Variants in RPRD2 observed in about 807,000 individuals in gnomAD.
RPRD2 encodes the protein regulation of nuclear pre-mRNA domain containing 2.
In RPRD2, 12 loss-of-function variants were observed where a neutral mutation model predicts 104.4. The ratio of observed to expected loss-of-function variants is 0.11; its 90% CI spans 0.07 to 0.19. RPRD2 has a LOEUF of 0.19. Ranked by LOEUF, RPRD2 falls within the 10% of genes least tolerant of loss-of-function variation. The pLI is 1.00. For synonymous variants in RPRD2, 714 were observed against 684.9 expected (o/e 1.04, Z -0.66); for missense variants, 1,543 against 1,790.1 (o/e 0.86, Z 2.49).
At chr1:150,398,437 C>T (rs1553884682) in intron 1 of RPRD2, among the ~76,000 whole-genome samples, 1 of 152,012 alleles carries the variant, frequency 6.6e-6, no homozygotes, top group Admixed American at 6.6e-5. Flanking sequence ...ACCTCGTGAT[C>T]TGCCCACCTT....
intron 1 of RPRD2, among the ~76,000 whole-genome samples, chr1:150,365,362 C>T (rs1659755591): frequency 6.6e-6 from 1 of 152,054 alleles, no homozygotes; most frequent in Non-Finnish European, 1.5e-5. Flanking sequence ...ATGAGGAGTG[C>T]CTTGTCTGGA....
intron 2 of RPRD2, among the ~76,000 whole-genome samples, chr1:150,427,343 C>T (rs1021741955): frequency 2.8e-4 from 43 of 151,790 alleles, no homozygotes; most frequent in African/African-American, 9.4e-4. Context: ...CGTGGTAGCG[C>T]GTGCCTGTAG....
rs201820125 is a variant in RPRD2 at position 150,416,897 on chromosome 1, A to C, written c.206-699A>C. On this transcript the variant is annotated intron_variant, in intron 1 of 10. Transcript: ENST00000369068. ...CAAAAAAAAAAAAAAAAAAACAAAA[A>C]GAAGAAGAAGAAAAGCTTAACCTAG... 5.5e-4 allele frequency among the ~76,000 whole-genome samples: 83 copies of C among 151,520 alleles called. 1 individual carries two copies. In the East Asian group the frequency reaches 0.012, roughly 22 times the overall value.
chr1:150,408,322 G>A (rs782589303), intron 1 of RPRD2, among the ~76,000 whole-genome samples: 32 of 151,506 alleles, frequency 2.1e-4, no homozygotes, highest in Non-Finnish European at 3.1e-4. Flanking sequence ...CCGCCACCAC[G>A]GCCAGCTAAT....
rs936288897 is a variant in RPRD2, at chr1:150,447,865, A to G, written c.870+1464A>G. ...TTCTGGCATTTGCTCCCATATTTGT[A>G]AATGATTTGCCCATATTATTCTTTC... On this transcript the variant is annotated intron_variant, in intron 7 of 10. Transcript: ENST00000369068. Among the ~76,000 whole-genome samples the G allele has an allele frequency of 5.9e-5, 9 of 152,320 alleles. 2 individuals are homozygous for G. The South Asian group carries it at 1.9e-3, about 32-fold the overall frequency.
In RPRD2 at chr1:150,457,377, A is replaced by C. The variant is rs782110232; in HGVS notation, c.960A>C (p.Pro320=). 4 of 1,611,764 alleles carry C rather than the reference A, an allele frequency of 2.5e-6. No homozygotes were observed. Among genetic ancestry groups the C allele is most frequent in the Non-Finnish European group, 2.5e-6 (3 of 1,178,012 alleles). ...CCCTTCCAGATCCTGAAGAATCACC[A>C]GTTCCTTCCCCAAGCATGGACGCTC... is the stretch of plus-strand genomic sequence containing the variant. ...KSTLPDPEES[P]VPSPSMDAPS... Residue 320 remains proline, a synonymous_variant, in exon 8 of 11, where the codon CCA becomes CCC. Coordinates refer to ENST00000369068, the MANE Select transcript of RPRD2 (RefSeq NM_015203.5).
intron 10 of RPRD2, 51 bp downstream of exon 10, chr1:150,464,778 T>G: frequency 7.1e-7 from 1 of 1,404,934 alleles, no homozygotes; most frequent in Non-Finnish European, 9.9e-7. Flanking sequence ...TGTCTCTGGC[T>G]TAAATTAATC....
chr1:150,441,811 T>G (rs1355585094), intron 3 of RPRD2, 70 bp from the exon 4 acceptor site: 2 of 994,782 alleles, frequency 2.0e-6, no homozygotes, highest in Non-Finnish European at 3.0e-6. Context: ...TGCTGCAACT[T>G]TGGCACTGAA....
chr1:150,405,875 G>A (rs991942375), intron 1 of RPRD2, among the ~76,000 whole-genome samples: 1 of 152,068 alleles, frequency 6.6e-6, no homozygotes, highest in African/African-American at 2.4e-5. Context: ...TATATTGACC[G>A]CCAGGGTATT....
intron 1 of RPRD2, among the ~76,000 whole-genome samples, chr1:150,412,726 T>G (rs1051103466): frequency 1.3e-5 from 2 of 152,190 alleles, no homozygotes; most frequent in African/African-American, 2.4e-5. Context: ...GATAAATAAT[T>G]GGACAATTTT....
chr1:150,463,046 G>A (rs956565342), intron 9 of RPRD2, among the ~76,000 whole-genome samples: 2 of 152,132 alleles, frequency 1.3e-5, no homozygotes, highest in Non-Finnish European at 2.9e-5. Context: ...GGTAGAGACA[G>A]TGTCTTACTA....
At chr1:150,461,184 A>G (rs1553898759) in intron 9 of RPRD2, among the ~76,000 whole-genome samples, 2 of 151,682 alleles carry the variant, frequency 1.3e-5, no homozygotes. Context: ...GCCTGAGGCC[A>G]GGAGTTCGAG....
intron 2 of RPRD2, among the ~76,000 whole-genome samples, chr1:150,421,332 A>C (rs951603908): frequency 6.6e-6 from 1 of 152,252 alleles, no homozygotes; most frequent in Non-Finnish European, 1.5e-5. Context: ...TGAGGCTTTT[A>C]TAAAATTTCA....
intron 1 of RPRD2, among the ~76,000 whole-genome samples, chr1:150,376,390 G>A (rs1182045341): frequency 3.3e-5 from 5 of 152,094 alleles, no homozygotes; most frequent in Admixed American, 2.6e-4. Context: ...ATCTTTTAAT[G>A]TTTGGGATTA....
At chr1:150,427,558 GGA>G (rs1665237515) in intron 2 of RPRD2, among the ~76,000 whole-genome samples, 1 of 152,184 alleles carries the variant, frequency 6.6e-6, no homozygotes, top group African/African-American at 2.4e-5. Context: ...CAATACATTG[GGA>G]GGCCAAGGTG....
In RPRD2 at chr1:150,472,301, G is replaced by A. The variant is rs1217849211; in HGVS notation, c.3353G>A (p.Gly1118Glu). 1.2e-6 allele frequency: 2 copies of A among 1,613,840 alleles called. No individual in the cohort carries two copies. The highest frequency in any genetic ancestry group is 1.3e-5 in the African/African-American group (1 of 74,922). Reference protein sequence around the residue: ...SIRVPGKGNRGHGREASRVGW... With the variant: ...SIRVPGKGNREHGREASRVGW... ...CGAGTTCCTGGGAAGGGAAATAGAG[G>A]ACATGGGCGTGAGGCTTCAAGGGTG... The change falls in exon 11 of 11, where the codon GGA (glycine) becomes GAA (glutamate). Residue 1118 changes from glycine (G) to glutamate (E), a missense_variant. Transcript: ENST00000369068.
In RPRD2 at chr1:150,471,756, A is replaced by G; in HGVS notation, c.2808A>G (p.Ser936=). 6.2e-7 allele frequency: 1 copy of G among 1,613,728 alleles called. No homozygotes were observed. Among genetic ancestry groups the G allele is most frequent in the South Asian group, 1.1e-5 (1 of 91,060 alleles). Residue 936 remains serine, a synonymous_variant, in exon 11 of 11, where the codon TCA becomes TCG. Coordinates refer to ENST00000369068, the MANE Select transcript of RPRD2 (RefSeq NM_015203.5). This position sits in a 1 kb window ranked among gnomAD's most constrained non-coding sequence, Gnocchi z 5.3. ...CACCATCACCGAGTAAGAATGATTC[A>G]TTTTTCACCCCTGACTCCAACCACA... The part of the protein sequence containing the change: ...DRSPSPSKND[S]FFTPDSNHNS...
intron 1 of RPRD2, among the ~76,000 whole-genome samples, chr1:150,400,749 A>G (rs1406521066): frequency 1.3e-5 from 2 of 152,082 alleles, no homozygotes; most frequent in Non-Finnish European, 1.5e-5. Context: ...TTCCACCATT[A>G]TATATGATGT....
chr1:150,441,237 T>C (rs1369850737), intron 3 of RPRD2: 5 of 433,020 alleles, frequency 1.2e-5, no homozygotes, highest in African/African-American at 1.0e-4. Context: ...TTTTGTTTTT[T>C]AGTGACTACA....
Sources: allele counts gnomAD v4.1 joint callset (sites outside exome capture counted in the v4.1 genomes callset), GRCh38; gene constraint gnomAD v4.1.1; non-coding constraint Gnocchi (gnomAD v3.1); transcripts MANE v1.5; gene names NCBI Gene and HGNC (gene_info 2026-07-23, HGNC 2026-07-21).